Variants in PRPF3 observed in about 807,000 individuals in gnomAD.
The protein encoded by PRPF3 is pre-mRNA processing factor 3, also known as U4/U6 small nuclear ribonucleoprotein Prp3.
PRPF3 carries 3 observed loss-of-function variants against 89.2 expected under a neutral mutation model. That is an observed-to-expected ratio of 0.03 (90% CI 0.02 to 0.09). The LOEUF (loss-of-function observed/expected upper bound fraction) is 0.09, where lower values mean the gene tolerates loss of function less well. Among genes scored for constraint, PRPF3 ranks in the 10% least tolerant of loss-of-function variants. The pLI is 1.00. For synonymous variants in PRPF3, 270 were observed against 289.1 expected, an observed-to-expected ratio of 0.93 and a Z score of 0.67; for missense variants, 463 against 828.8, an observed-to-expected ratio of 0.56 and a Z score of 5.42.
intron 15 of PRPF3, among the ~76,000 whole-genome samples, chr1:150,351,390 T>C (rs1249892995): frequency 6.6e-6 from 1 of 152,176 alleles, no homozygotes; most frequent in East Asian, 1.9e-4. Flanking sequence ...TTTTCATGTA[T>C]CCTGCCTTAT....
chr1:150,323,035 C>T (rs1434078607), intron 1 of PRPF3, among the ~76,000 whole-genome samples: 1 of 151,448 alleles, frequency 6.6e-6, no homozygotes, highest in Non-Finnish European at 1.5e-5. Flanking sequence ...TCACCACGCC[C>T]AGCTAATATT....
intron 9 of PRPF3, 72 bp from the exon 10 acceptor site, chr1:150,343,237 G>GAA: frequency 2.4e-6 from 2 of 830,882 alleles, no homozygotes; most frequent in Non-Finnish European, 3.1e-6. Context: ...GTGAGAGAGA[G>GAA]AAAAAAAAAA....
intron 14 of PRPF3, among the ~76,000 whole-genome samples, chr1:150,347,836 C>A (rs1324013355): frequency 6.6e-6 from 1 of 152,134 alleles, no homozygotes; most frequent in South Asian, 2.1e-4. Flanking sequence ...TGGGCAAAAT[C>A]ATCTAACACA....
rs2102037001 is a variant in PRPF3 at position 150,353,202 on chromosome 1, G to A, written c.*223G>A. On this transcript the variant is annotated 3_prime_UTR_variant, in exon 16 of 16. Coordinates refer to ENST00000324862, the MANE Select transcript of PRPF3 (RefSeq NM_004698.4). ...TTAAAGAGTTATTTTTAAACTTGGTGTGATATTTTTCACACATTCGTAAGT... is the reference window on the plus strand; with the variant it reads ...TTAAAGAGTTATTTTTAAACTTGGTATGATATTTTTCACACATTCGTAAGT... The A allele has an allele frequency of 5.2e-6, 3 of 577,608 alleles. No individual in the cohort carries two copies. The East Asian group carries it at 9.4e-5, about 18-fold the overall frequency. 35.8% of individuals were successfully genotyped at this position (577,608 alleles called of 1,614,324 possible).
chr1:150,337,376 A>G (rs1553868230), intron 7 of PRPF3, among the ~76,000 whole-genome samples: 2 of 152,064 alleles, frequency 1.3e-5, no homozygotes, highest in African/African-American at 4.8e-5. Flanking sequence ...GCAGGCATAT[A>G]CTGTGGAGTG....
intron 2 of PRPF3, among the ~76,000 whole-genome samples, chr1:150,325,400 A>G (rs1553863457): frequency 6.6e-6 from 1 of 152,180 alleles, no homozygotes; most frequent in African/African-American, 2.4e-5. Context: ...ATCTCAACAT[A>G]CAAAAATCTT....
chr1:150,334,882 T>C (rs1656804531), intron 6 of PRPF3, 53 bp from the exon 7 acceptor site: 2 of 1,605,980 alleles, frequency 1.2e-6, no homozygotes, highest in Non-Finnish European at 8.5e-7. Context: ...TTTTGTTTTT[T>C]GCTTGCCTTA....
intron 7 of PRPF3, among the ~76,000 whole-genome samples, chr1:150,337,778 A>AAAT (rs1657206164): frequency 6.6e-6 from 1 of 151,298 alleles, no homozygotes; most frequent in Non-Finnish European, 1.5e-5. Context: ...AAAAAAAAAA[A>AAAT]ATATTTGGGA....
chr1:150,353,057 T>G lies in PRPF3; in HGVS notation c.*78T>G. On this transcript the variant is annotated 3_prime_UTR_variant, in exon 16 of 16. Coordinates refer to ENST00000324862, the MANE Select transcript of PRPF3 (RefSeq NM_004698.4). The stretch of plus-strand genomic sequence containing the variant: ...TCACTTATTCTATTTCCCAACCCCC[T>G]CCCACTTGTTTGTGTGATCTCAGAA... 2 of 1,578,222 alleles carry G rather than the reference T, an allele frequency of 1.3e-6. No homozygotes were observed. Among genetic ancestry groups the G allele is most frequent in the Non-Finnish European group, 1.7e-6 (2 of 1,149,132 alleles).
intron 14 of PRPF3, among the ~76,000 whole-genome samples, chr1:150,348,460 A>ATTTTTTTTTTTTTTTGTTTTT (rs1658535708): frequency 2.1e-5 from 1 of 48,464 alleles, no homozygotes; most frequent in Non-Finnish European, 3.5e-5. Flanking sequence ...CTACACGTGC[A>ATTTTTTTTTTTTTTTGTTTTT]TTTTTTTTTT....
chr1:150,335,301 A>G, intron 7 of PRPF3, 60 bp downstream of exon 7: 1 of 1,542,878 alleles, frequency 6.5e-7, no homozygotes, highest in Non-Finnish European at 8.9e-7. Context: ...ACAAGAAAAC[A>G]TTGTTAAATC....
At chr1:150,344,103 A>G (rs1297630748) in intron 10 of PRPF3, 59 bp from the exon 11 acceptor site, 15 of 1,432,892 alleles carry the variant, frequency 1.0e-5, no homozygotes, top group Admixed American at 1.7e-5. Context: ...AGAAATAACA[A>G]GTTACTCCAG....
In PRPF3 at chr1:150,325,858, A is replaced by G; in HGVS notation, c.253A>G (p.Arg85Gly). Residue 85 changes from arginine to glycine, a missense_variant, in exon 3 of 16, where the codon AGG becomes GGG. Transcript: ENST00000324862. ...TAGGCATTCCAAGTCTAGCAGTGAC[A>G]GGAGCAGAAAACGAGAGCTAAAGGT... Reference protein sequence around the residue: ...SSRHSKSSSDRSRKRELKEVF... With the variant: ...SSRHSKSSSDGSRKRELKEVF... 6.2e-7 allele frequency: 1 copy of G among 1,613,558 alleles called. No individual in the cohort carries two copies. Among genetic ancestry groups the G allele is most frequent in the Non-Finnish European group, 8.5e-7 (1 of 1,179,618 alleles).
chr1:150,343,148 A>T (rs1657940397), intron 9 of PRPF3, 161 bp from the exon 10 acceptor site: 1 of 287,082 alleles, frequency 3.5e-6, no homozygotes. Flanking sequence ...AGGCTGAGGC[A>T]GGAGAATTAC....
intron 9 of PRPF3, 84 bp downstream of exon 9, chr1:150,340,561 A>C: frequency 9.6e-7 from 1 of 1,043,180 alleles, no homozygotes; most frequent in East Asian, 2.4e-5. Flanking sequence ...TTCTGTATCT[A>C]TGCTGTTCAA....
chr1:150,332,631 G>A, intron 4 of PRPF3, 53 bp from the exon 5 acceptor site: 2 of 1,564,034 alleles, frequency 1.3e-6, no homozygotes, highest in Non-Finnish European at 1.8e-6. Flanking sequence ...ACCTGAATGG[G>A]AGAAGTAAGA....
intron 3 of PRPF3, chr1:150,327,521 A>G (rs1560087215): frequency 1.2e-5 from 12 of 969,612 alleles, no homozygotes; most frequent in Non-Finnish European, 1.5e-5. Context: ...ACCCCACACA[A>G]TATATTATGG....
In PRPF3 at chr1:150,332,988, C is replaced by T; in HGVS notation, c.517C>T (p.Pro173Ser). Residue 173 changes from proline to serine, a missense_variant, in exon 6 of 16, where the codon CCT becomes TCT. Pro to Ser is a moderately conservative substitution (Grantham distance 74). Transcript: ENST00000324862. ...ISPPTPQPKT[P>S]SSSQPERLPI... ...TTTCTCTATCTCACAGCCAAAGACT[C>T]CTTCTTCCTCCCAACCAGAACGACT... 1 of 1,613,452 alleles carries T rather than the reference C, an allele frequency of 6.2e-7. No individual in the cohort carries two copies. The highest frequency in any genetic ancestry group is 8.5e-7 in the Non-Finnish European group (1 of 1,179,772).
At chr1:150,326,157 T>C (rs1200250230) in intron 3 of PRPF3, among the ~76,000 whole-genome samples, 1 of 152,190 alleles carries the variant, frequency 6.6e-6, no homozygotes, top group Non-Finnish European at 1.5e-5. Context: ...ATTTCCTTTT[T>C]TTCCTTCTTA....
Sources: allele counts gnomAD v4.1 joint callset (sites outside exome capture counted in the v4.1 genomes callset), GRCh38; gene constraint gnomAD v4.1.1; transcripts MANE v1.5; gene names NCBI Gene and HGNC (gene_info 2026-07-23, HGNC 2026-07-21).